The following CHRM3 variants were observed in gnomAD, a reference collection of about 807,000 sequenced individuals.
CHRM3 encodes the protein cholinergic receptor muscarinic 3, also known as muscarinic acetylcholine receptor M3.
Under a neutral mutation model 41.8 loss-of-function variants are expected in CHRM3, and 11 were observed. The ratio of observed to expected loss-of-function variants is 0.26; its 90% CI spans 0.17 to 0.44. The LOEUF is 0.44. CHRM3 is among the 20% of genes least tolerant of loss of function. The probability of loss-of-function intolerance (pLI) is 1.00; values close to 1 mark genes in which losing one functional copy is unlikely to be tolerated. For missense variants in CHRM3, 571 were observed against 745.4 expected (o/e 0.77, Z 2.72); for synonymous variants, 297 against 301.4 (o/e 0.99, Z 0.15).
chr1:239,546,996 A>T (rs1414861042), intron 3 of CHRM3, among the ~76,000 whole-genome samples: 10 of 152,224 alleles, frequency 6.6e-5, no homozygotes. Context: ...ACATTCAGTA[A>T]TATTGAGAAA....
intron 5 of CHRM3, among the ~76,000 whole-genome samples, chr1:239,812,564 T>C (rs1671198953): frequency 6.6e-6 from 1 of 152,242 alleles, no homozygotes; most frequent in South Asian, 2.1e-4. Flanking sequence ...AAAGATTTTA[T>C]TTAAAGTGAT....
intron 6 of CHRM3, among the ~76,000 whole-genome samples, chr1:239,875,084 A>G (rs1215077191): frequency 6.6e-6 from 1 of 152,236 alleles, no homozygotes; most frequent in East Asian, 1.9e-4. Flanking sequence ...CAAAATGCCC[A>G]AAAGGTAGTT....
intron 5 of CHRM3, among the ~76,000 whole-genome samples, chr1:239,796,312 A>G (rs1368213254): frequency 6.6e-6 from 1 of 152,206 alleles, no homozygotes. Flanking sequence ...GAGAAAAAAG[A>G]AGTGGAAAAC....
At chr1:239,638,097 AT>A (rs1218218111) in intron 4 of CHRM3, among the ~76,000 whole-genome samples, 2 of 151,470 alleles carry the variant, frequency 1.3e-5, no homozygotes, top group African/African-American at 4.9e-5. Context: ...TGAACTCACC[AT>A]TTTTTATGGC....
At chr1:239,582,402 G>A (rs373219448) in intron 3 of CHRM3, among the ~76,000 whole-genome samples, 21 of 152,186 alleles carry the variant, frequency 1.4e-4, no homozygotes, top group African/African-American at 4.6e-4. Flanking sequence ...CGCTAACTCA[G>A]TTTTCTTCCT....
intron 6 of CHRM3, among the ~76,000 whole-genome samples, chr1:239,893,084 C>A (rs1217236718): frequency 6.6e-6 from 1 of 152,132 alleles, no homozygotes; most frequent in Non-Finnish European, 1.5e-5. Context: ...TCTGTGTCTT[C>A]ATTTTCTCAT....
intron 3 of CHRM3, among the ~76,000 whole-genome samples, chr1:239,563,824 G>C (rs936498703): frequency 1.3e-5 from 2 of 152,134 alleles, no homozygotes; most frequent in African/African-American, 4.8e-5. Context: ...GGAAAAAAAA[G>C]TGTGGCAGGA....
At chr1:239,633,616 G>A (rs1670112580) in intron 4 of CHRM3, among the ~76,000 whole-genome samples, 1 of 152,166 alleles carries the variant, frequency 6.6e-6, no homozygotes, top group South Asian at 2.1e-4. Flanking sequence ...CAGCCAATGA[G>A]CTCTCAGTCA....
At chr1:239,716,049 T>G (rs984221329) in intron 5 of CHRM3, among the ~76,000 whole-genome samples, 1 of 152,016 alleles carries the variant, frequency 6.6e-6, no homozygotes, top group Admixed American at 6.6e-5. Context: ...AATAATTGCA[T>G]TGATCTTGGG....
At chr1:239,569,633 A>C (rs917944009) in intron 3 of CHRM3, among the ~76,000 whole-genome samples, 1 of 152,216 alleles carries the variant, frequency 6.6e-6, no homozygotes, top group Non-Finnish European at 1.5e-5. Flanking sequence ...GAAATAAGAA[A>C]AAGTAATTGA....
At chr1:239,562,456 TCA>T (rs935687019) in intron 3 of CHRM3, among the ~76,000 whole-genome samples, 20 of 152,184 alleles carry the variant, frequency 1.3e-4, no homozygotes, top group African/African-American at 4.8e-4. Flanking sequence ...TGTTAACACT[TCA>T]CCATAAAAAT....
At chr1:239,496,196 A>G (rs1369503920) in intron 2 of CHRM3, among the ~76,000 whole-genome samples, 1 of 152,156 alleles carries the variant, frequency 6.6e-6, no homozygotes, top group Non-Finnish European at 1.5e-5. Context: ...TGAACATGGC[A>G]TAATGGTATC....
At chr1:239,858,868 T>G (rs780063012) in intron 6 of CHRM3, among the ~76,000 whole-genome samples, 5 of 152,222 alleles carry the variant, frequency 3.3e-5, no homozygotes, top group Non-Finnish European at 5.9e-5. Flanking sequence ...ATGTGACCAT[T>G]GGTGTCTAGC....
intron 6 of CHRM3, among the ~76,000 whole-genome samples, chr1:239,892,235 C>T (rs1678613673): frequency 6.6e-6 from 1 of 152,154 alleles, no homozygotes; most frequent in Admixed American, 6.5e-5. Flanking sequence ...AAATTCAAAA[C>T]AAGAGATCAT....
chr1:239,912,575 TGTATC>T lies in CHRM3; in HGVS notation c.*3353_*3357del, dbSNP rs1558239294. On this transcript the variant is annotated 3_prime_UTR_variant, in exon 7 of 7. Coordinates refer to ENST00000676153, the MANE Select transcript of CHRM3 (RefSeq NM_001375978.1). ...CTGCAGAGCGCTGGAAGCCCCTTCATGTATCGAGAGAGAAGCTGGAGCACAGAGCT... is the reference window on the plus strand; with the variant it reads ...CTGCAGAGCGCTGGAAGCCCCTTCATGAGAGAGAAGCTGGAGCACAGAGCT... The T allele has an allele frequency of 6.0e-6, 1 of 167,090 alleles. No homozygotes were observed. The highest frequency in any genetic ancestry group is 2.4e-5 in the African/African-American group (1 of 41,458). The allele number at this position is 167,090 out of a possible 1,614,324, so 10.4% of individuals were successfully genotyped here.
At chr1:239,673,247 T>G in intron 4 of CHRM3, among the ~76,000 whole-genome samples, 1 of 152,120 alleles carries the variant, frequency 6.6e-6, no homozygotes, top group East Asian at 1.9e-4. Context: ...AGGAATGGGA[T>G]GGAGGGAAGG....
At chr1:239,692,416 G>A (rs553211762) in intron 5 of CHRM3, among the ~76,000 whole-genome samples, 11 of 152,100 alleles carry the variant, frequency 7.2e-5, no homozygotes, top group Non-Finnish European at 1.6e-4. Context: ...GTAAGAAATA[G>A]CAGCTGAGGT....
chr1:239,394,397 G>A (rs1362928829), intron 1 of CHRM3, among the ~76,000 whole-genome samples: 10 of 152,146 alleles, frequency 6.6e-5, no homozygotes, highest in Non-Finnish European at 1.5e-4. Context: ...GTATATGCCT[G>A]TCTTATAAGG....
intron 5 of CHRM3, among the ~76,000 whole-genome samples, chr1:239,817,578 C>T (rs1041645868): frequency 2.6e-5 from 4 of 151,862 alleles, no homozygotes; most frequent in African/African-American, 9.7e-5. Flanking sequence ...CTTTGGCTTC[C>T]TCTGCCTTTA....
Sources: gnomAD v4.1 joint callset for allele counts (sites outside exome capture counted in the v4.1 genomes callset) on GRCh38, gnomAD v4.1.1 for gene constraint, MANE v1.5 for transcripts, NCBI Gene and HGNC (gene_info 2026-07-23, HGNC 2026-07-21) for gene names.